Variants in BICRAL observed in about 807,000 individuals in gnomAD.
The protein encoded by BICRAL is BICRA like chromatin remodeling complex associated protein.
BICRAL carries 8 observed loss-of-function variants against 91.8 expected under a neutral mutation model. The observed-to-expected ratio is 0.09, with a 90% CI of 0.05 to 0.16. BICRAL has a LOEUF of 0.16. Among genes scored for constraint, BICRAL ranks in the 10% least tolerant of loss-of-function variants. BICRAL has a pLI of 1.00. For missense variants in BICRAL, 1,038 were observed against 1,310.9 expected, an observed-to-expected ratio of 0.79 and a Z score of 3.21; for synonymous variants, 445 against 491.1, an observed-to-expected ratio of 0.91 and a Z score of 1.24.
intron 1 of BICRAL, among the ~76,000 whole-genome samples, chr6:42,782,645 G>C (rs1011365324): frequency 1.3e-5 from 2 of 151,338 alleles, no homozygotes; most frequent in Non-Finnish European, 2.9e-5. Context: ...GGTTGGTGGT[G>C]GGGAGGGGAG....
chr6:42,819,513 T>C (rs2113935250), intron 2 of BICRAL, among the ~76,000 whole-genome samples: 1 of 152,184 alleles, frequency 6.6e-6, no homozygotes, highest in Non-Finnish European at 1.5e-5. Flanking sequence ...CTCGAACTCC[T>C]GACCTCAGGT....
rs1473266155 is a variant in BICRAL, at chr6:42,866,912, C to T, written c.*1466C>T. ...CTACATGATAGTATTTTTATGCACT[C>T]TTCTCCCACACATACACACACGTGC... On this transcript the variant is annotated 3_prime_UTR_variant, in exon 13 of 13. Transcript: ENST00000314073. The T allele has an allele frequency of 2.2e-6, 1 of 455,650 alleles. No individual in the cohort carries two copies. The highest frequency in any genetic ancestry group is 2.0e-5 in the African/African-American group (1 of 50,052). 28.2% of individuals were successfully genotyped at this position (455,650 alleles called of 1,614,324 possible).
intron 1 of BICRAL, among the ~76,000 whole-genome samples, chr6:42,775,884 G>T (rs1762800810): frequency 6.6e-6 from 1 of 152,168 alleles, no homozygotes; most frequent in Non-Finnish European, 1.5e-5. Context: ...GAAAACATTT[G>T]TAATCACTCC....
At chr6:42,787,041 A>G (rs1183776196) in intron 1 of BICRAL, among the ~76,000 whole-genome samples, 1 of 152,170 alleles carries the variant, frequency 6.6e-6, no homozygotes, top group African/African-American at 2.4e-5. Flanking sequence ...GAAACAGGGA[A>G]GTTAGGAGGC....
rs1765263564 is a variant in BICRAL, at chr6:42,853,718, C to T, written c.2026C>T (p.Pro676Ser). The change falls in exon 8 of 13, where the codon CCT (proline) becomes TCT (serine). Residue 676 changes from proline (P) to serine (S), a missense_variant. Physicochemically the swap from Pro to Ser is moderately conservative, Grantham distance 74. Transcript: ENST00000314073. ...PQQEKVVGSS[P>S]GHPAVQVESH... The stretch of plus-strand genomic sequence containing the variant: ...GCAGGAAAAAGTAGTTGGATCATCT[C>T]CTGGCCATCCAGCTGTGCAGGTAGA... 20 of 1,611,602 alleles carry T rather than the reference C, an allele frequency of 1.2e-5. No individual in the cohort carries two copies. The East Asian group carries it at 4.2e-4, about 34-fold the overall frequency.
chr6:42,772,954 A>T (rs1762757539), intron 1 of BICRAL, among the ~76,000 whole-genome samples: 1 of 152,148 alleles, frequency 6.6e-6, no homozygotes, highest in South Asian at 2.1e-4. Context: ...AAGACATAAC[A>T]ATTTATTTAA....
chr6:42,812,794 G>A (rs1763875720), intron 2 of BICRAL, among the ~76,000 whole-genome samples: 1 of 152,178 alleles, frequency 6.6e-6, no homozygotes, highest in African/African-American at 2.4e-5. Context: ...CACTTTAGGA[G>A]GCCAAGGCAA....
At chr6:42,800,399 A>G (rs1435546760) in intron 1 of BICRAL, among the ~76,000 whole-genome samples, 2 of 151,952 alleles carry the variant, frequency 1.3e-5, no homozygotes, top group African/African-American at 4.8e-5. Context: ...CCTGACCTCA[A>G]GTGATCCGTC....
chr6:42,821,419 G>C (rs1764133034), intron 2 of BICRAL, among the ~76,000 whole-genome samples: 1 of 152,148 alleles, frequency 6.6e-6, no homozygotes, highest in Non-Finnish European at 1.5e-5. Flanking sequence ...AGATTGTTTG[G>C]AGTTGAACAG....
intron 4 of BICRAL, 25 bp from the exon 5 acceptor site, chr6:42,822,910 A>G (rs1160902396): frequency 1.3e-6 from 2 of 1,555,672 alleles, no homozygotes; most frequent in Non-Finnish European, 1.8e-6. Flanking sequence ...AGTAGTAACC[A>G]CCTATTGAAT....
chr6:42,760,572 CTAT>C lies in BICRAL; in HGVS notation c.-261+13564_-261+13566del, dbSNP rs200892024. On this transcript the variant is annotated intron_variant, in intron 1 of 14. Coordinates refer to the BICRAL transcript ENST00000614467. ...GGTTTCAACATTATTATTATTATTACTATTATTATTATTATTAGAGGCAAGGTC... is the reference window on the plus strand; with the variant it reads ...GGTTTCAACATTATTATTATTATTACTATTATTATTATTAGAGGCAAGGTC... 4.0e-5 allele frequency among the ~76,000 whole-genome samples: 6 copies of C among 149,470 alleles called. No homozygotes were observed. In the East Asian group the frequency reaches 7.8e-4, roughly 19 times the overall value.
At chr6:42,831,775 G>A (rs1213306997) in intron 6 of BICRAL, among the ~76,000 whole-genome samples, 1 of 146,764 alleles carries the variant, frequency 6.8e-6, no homozygotes, top group East Asian at 2.0e-4. Flanking sequence ...GTCTCACTCT[G>A]TTGCCCAGGC....
chr6:42,777,847 G>C (rs1166376169), upstream of BICRAL, among the ~76,000 whole-genome samples: 1 of 151,988 alleles, frequency 6.6e-6, no homozygotes, highest in African/African-American at 2.4e-5. Flanking sequence ...CATAGGAGTG[G>C]CCATTTTATT....
chr6:42,820,813 A>T (rs1462954435), intron 2 of BICRAL, among the ~76,000 whole-genome samples: 3 of 152,180 alleles, frequency 2.0e-5, no homozygotes, highest in African/African-American at 7.2e-5. Flanking sequence ...TCAGCATCTG[A>T]ATGAATTCAG....
At chr6:42,864,228 T>C (rs570395525) in intron 12 of BICRAL, among the ~76,000 whole-genome samples, 15 of 151,574 alleles carry the variant, frequency 9.9e-5, no homozygotes, top group African/African-American at 3.6e-4. Context: ...TAATCCCAGC[T>C]ACTCGAGAGG....
At chr6:42,771,489 T>C (rs891060075) in intron 1 of BICRAL, among the ~76,000 whole-genome samples, 2 of 4,804 alleles carry the variant, frequency 4.2e-4, no homozygotes, top group African/African-American at 8.6e-4. Flanking sequence ...CCTGTGGGGG[T>C]GGCGGGGGGT....
chr6:42,827,760 C>G (rs1764344820), intron 5 of BICRAL, among the ~76,000 whole-genome samples: 1 of 152,078 alleles, frequency 6.6e-6, no homozygotes, highest in Non-Finnish European at 1.5e-5. Flanking sequence ...TGGGGCACAC[C>G]TGTAGTCCCA....
chr6:42,752,219 C>T (rs1762391566), intron 1 of BICRAL, among the ~76,000 whole-genome samples: 1 of 152,216 alleles, frequency 6.6e-6, no homozygotes, highest in African/African-American at 2.4e-5. Context: ...GCGCTCTCCT[C>T]TGCCTCAACG....
chr6:42,801,001 C>T (rs1348370889), intron 1 of BICRAL, among the ~76,000 whole-genome samples: 2 of 151,926 alleles, frequency 1.3e-5, no homozygotes, highest in African/African-American at 4.8e-5. Context: ...GCCTGTAATC[C>T]CAGCACTTTG....
Sources: gnomAD v4.1 joint callset for allele counts (sites outside exome capture counted in the v4.1 genomes callset) on GRCh38, gnomAD v4.1.1 for gene constraint, MANE v1.5 for transcripts, NCBI Gene and HGNC (gene_info 2026-07-23, HGNC 2026-07-21) for gene names.